Variants in CNTN5 observed in about 807,000 individuals in gnomAD.
CNTN5 encodes contactin 5, also known as contactin-5.
CNTN5 carries 77 observed loss-of-function variants against 129.1 expected under a neutral mutation model. The ratio of observed to expected loss-of-function variants is 0.60; its 90% CI spans 0.50 to 0.72. The LOEUF is 0.72. CNTN5 is among the 30% of genes least tolerant of loss of function. CNTN5 has a pLI of 0.00. For synonymous variants in CNTN5, 509 were observed against 465.6 expected (o/e 1.09, Z -1.20); for missense variants, 1,478 against 1,328.8 (o/e 1.11, Z -1.75).
At chr11:99,485,791 G>A (rs575268555) in intron 2 of CNTN5, among the ~76,000 whole-genome samples, 2 of 152,044 alleles carry the variant, frequency 1.3e-5, no homozygotes, top group South Asian at 2.1e-4. Flanking sequence ...ATTTCTCACA[G>A]TATTCTTTAT....
At chr11:99,685,722 T>C (rs749288173) in intron 3 of CNTN5, among the ~76,000 whole-genome samples, 3 of 151,978 alleles carry the variant, frequency 2.0e-5, no homozygotes, top group Non-Finnish European at 4.4e-5. Flanking sequence ...TGTTATATTT[T>C]GATGCCTCTC....
Position 99,816,637 on chromosome 11 carries a change from G to C in CNTN5, c.56-2907G>C, listed in dbSNP as rs571002796. On this transcript the variant is annotated intron_variant, in intron 3 of 24. Coordinates refer to ENST00000524871, the MANE Select transcript of CNTN5 (RefSeq NM_014361.4). Reference sequence around the variant, plus strand: ...CTGACCAATCTTTGCCTATATTACAGCTTTAGACCCTTGAGTCATCTTTAT... The same window carrying C: ...CTGACCAATCTTTGCCTATATTACACCTTTAGACCCTTGAGTCATCTTTAT... Among the ~76,000 whole-genome samples the C allele has an allele frequency of 3.9e-5, 6 of 152,216 alleles. No homozygotes were observed. In the South Asian group the frequency reaches 6.2e-4, roughly 16 times the overall value.
intron 4 of CNTN5, among the ~76,000 whole-genome samples, chr11:99,837,305 C>T (rs1376974426): frequency 1.3e-5 from 2 of 152,144 alleles, no homozygotes; most frequent in Non-Finnish European, 2.9e-5. Context: ...AAACTCTGGA[C>T]ACTATAACAA....
intron 3 of CNTN5, among the ~76,000 whole-genome samples, chr11:99,763,461 ATAAAT>A (rs745591875): frequency 1.3e-5 from 2 of 152,116 alleles, no homozygotes; most frequent in Non-Finnish European, 2.9e-5. Context: ...TTTTTTGCTG[ATAAAT>A]TAATAATTTT....
intron 9 of CNTN5, among the ~76,000 whole-genome samples, chr11:100,028,741 G>C (rs916655875): frequency 6.6e-6 from 1 of 152,122 alleles, no homozygotes; most frequent in African/African-American, 2.4e-5. Flanking sequence ...ATATTGTCAT[G>C]TGCCCTAGTA....
At chr11:100,308,534 G>A in intron 21 of CNTN5, 66 bp downstream of exon 21, 1 of 1,500,048 alleles carries the variant, frequency 6.7e-7, no homozygotes, top group Non-Finnish European at 8.9e-7. Context: ...CCTAAAGAGA[G>A]GTTTTGGTGA....
intron 2 of CNTN5, among the ~76,000 whole-genome samples, chr11:99,479,104 T>A (rs1565216615): frequency 6.6e-6 from 1 of 152,042 alleles, no homozygotes. Context: ...ATGGCTTTTC[T>A]GGTTCTTGGT....
chr11:99,583,300 A>G lies in CNTN5; in HGVS notation c.55+27031A>G, dbSNP rs543788049. Among the ~76,000 whole-genome samples the G allele has an allele frequency of 9.2e-3, 1,406 of 152,292 alleles. 14 individuals are homozygous for G. The highest frequency in any genetic ancestry group is 0.015 in the Non-Finnish European group (1,037 of 68,026). On this transcript the variant is annotated intron_variant, in intron 3 of 24. Coordinates refer to ENST00000524871, the MANE Select transcript of CNTN5 (RefSeq NM_014361.4). Reference sequence around the variant, plus strand: ...ACCCACTTGAGGAGGCTGTCTGCCCATTCTCAGATCTCAAGCTGTGTGCTG... The same window carrying G: ...ACCCACTTGAGGAGGCTGTCTGCCCGTTCTCAGATCTCAAGCTGTGTGCTG...
chr11:100,005,990 G>T (rs1206842468), intron 9 of CNTN5, among the ~76,000 whole-genome samples: 1 of 152,002 alleles, frequency 6.6e-6, no homozygotes, highest in Admixed American at 6.6e-5. Context: ...GATATTTGAG[G>T]TTCAGTTCCA....
At chr11:99,650,622 A>G (rs1952119523) in intron 3 of CNTN5, among the ~76,000 whole-genome samples, 1 of 151,968 alleles carries the variant, frequency 6.6e-6, no homozygotes, top group South Asian at 2.1e-4. Flanking sequence ...AAAAGGAACA[A>G]CATTCAGTTG....
chr11:99,213,199 TTA>T (rs138144371), intron 1 of CNTN5, among the ~76,000 whole-genome samples: 110,510 of 144,024 alleles, frequency 0.77, 42,738 homozygotes, highest in East Asian at 0.99. Context: ...TCAAAAAAAA[TTA>T]TATATATATA....
intron 4 of CNTN5, among the ~76,000 whole-genome samples, chr11:99,830,355 T>C (rs996296679): frequency 1.3e-5 from 2 of 152,190 alleles, no homozygotes; most frequent in African/African-American, 4.8e-5. Context: ...ATTGGATGAT[T>C]CCTGCATTTA....
intron 9 of CNTN5, among the ~76,000 whole-genome samples, chr11:100,034,697 G>A (rs1392575476): frequency 6.6e-6 from 1 of 152,156 alleles, no homozygotes; most frequent in Non-Finnish European, 1.5e-5. Flanking sequence ...TACAATGGCA[G>A]CCTTAGGTAC....
rs550648528 is a variant in CNTN5 at position 99,113,900 on chromosome 11, A to G, written c.-210+92630A>G. ...AGTATCCTCTTGTAACACTCACCTAAGAATACTAAGTTTTAGTTTTTACTT... is the reference window on the plus strand; with the variant it reads ...AGTATCCTCTTGTAACACTCACCTAGGAATACTAAGTTTTAGTTTTTACTT... On this transcript the variant is annotated intron_variant, in intron 1 of 24. Coordinates refer to ENST00000524871, the MANE Select transcript of CNTN5 (RefSeq NM_014361.4). Among the ~76,000 whole-genome samples the G allele has an allele frequency of 1.3e-4, 20 of 152,296 alleles. No homozygotes were observed. The South Asian group carries it at 3.7e-3, about 28-fold the overall frequency.
intron 2 of CNTN5, among the ~76,000 whole-genome samples, chr11:99,439,042 A>G (rs185394406): frequency 1.3e-5 from 2 of 152,356 alleles, no homozygotes; most frequent in Admixed American, 1.3e-4. Flanking sequence ...ATGGGTTATA[A>G]AGTAATATGT....
chr11:100,035,042 C>G (rs1343595534), intron 9 of CNTN5, among the ~76,000 whole-genome samples: 1 of 151,842 alleles, frequency 6.6e-6, no homozygotes, highest in East Asian at 1.9e-4. Flanking sequence ...ACATATGGAT[C>G]CATGTGCCAT....
At chr11:100,020,787 G>C (rs568258502) in intron 9 of CNTN5, among the ~76,000 whole-genome samples, 1 of 151,986 alleles carries the variant, frequency 6.6e-6, no homozygotes, top group Admixed American at 6.6e-5. Context: ...TAACAACAAA[G>C]TATCTGAAGA....
chr11:100,340,715 C>A, intron 22 of CNTN5, 66 bp downstream of exon 22: 1 of 1,374,438 alleles, frequency 7.3e-7, no homozygotes, highest in Non-Finnish European at 9.8e-7. Flanking sequence ...TTTCTCAAAG[C>A]CACGTGAGGT....
At chr11:100,065,953 T>C (rs1225070716) in intron 10 of CNTN5, among the ~76,000 whole-genome samples, 1 of 152,118 alleles carries the variant, frequency 6.6e-6, no homozygotes, top group East Asian at 1.9e-4. Context: ...GGAAATGATA[T>C]AAAATTGTTG....
Sources: allele counts gnomAD v4.1 joint callset (sites outside exome capture counted in the v4.1 genomes callset), GRCh38; gene constraint gnomAD v4.1.1; transcripts MANE v1.5; gene names NCBI Gene and HGNC (gene_info 2026-07-23, HGNC 2026-07-21).